NOP53: variants seen among roughly 807,000 people sequenced by gnomAD.
The protein encoded by NOP53 is ribosome biogenesis protein NOP53.
NOP53 carries 40 observed loss-of-function variants against 61.0 expected under a neutral mutation model. The ratio of observed to expected loss-of-function variants is 0.66; its 90% confidence interval spans 0.51 to 0.85. The LOEUF is 0.85. Among genes scored for constraint, NOP53 ranks in the 40% least tolerant of loss-of-function variants. NOP53 has a pLI of 0.00. For missense variants in NOP53, 689 were observed against 652.9 expected (o/e 1.06, Z -0.60); for synonymous variants, 308 against 289.5 (o/e 1.06, Z -0.65).
At chr19:47,747,883 C>T (rs1251053916) in intron 2 of NOP53, among the ~76,000 whole-genome samples, 7 of 140,970 alleles carry the variant, frequency 5.0e-5, no homozygotes, top group African/African-American at 1.1e-4. Flanking sequence ...CAGGTTCAAG[C>T]GATTCTCCTG....
At chr19:47,747,071 A>G (rs1967074045) in intron 2 of NOP53, 40 bp downstream of exon 2, 2 of 1,482,812 alleles carry the variant, frequency 1.3e-6, no homozygotes, top group African/African-American at 1.4e-5. Context: ...GCGGTTATTC[A>G]TTGTTAGTCA....
intron 2 of NOP53, among the ~76,000 whole-genome samples, chr19:47,748,324 C>T (rs1568597966): frequency 2.0e-5 from 3 of 152,012 alleles, no homozygotes; most frequent in African/African-American, 4.8e-5. Context: ...GGGTGGGGAT[C>T]TGCTGAAACA....
chr19:47,752,256 C>T (rs1053399419), intron 5 of NOP53, among the ~76,000 whole-genome samples: 1 of 152,202 alleles, frequency 6.6e-6, no homozygotes, highest in Admixed American at 6.5e-5. Context: ...TTGCAGCCTC[C>T]TTCTTGAGCT....
rs748360714 is a variant in NOP53 at position 47,754,868 on chromosome 19, C to A, written c.1030C>A (p.Arg344=). ...TEKKTEQQRR[R]EKAVHRLRVQ... is the part of the protein sequence containing the mutation. ...GAAGAAGACGGAGCAGCAGCGGCGGCGGGAGAAGGCTGTGCACAGGCTGGT... is the reference window on the plus strand; with the variant it reads ...GAAGAAGACGGAGCAGCAGCGGCGGAGGGAGAAGGCTGTGCACAGGCTGGT... Residue 344 remains arginine, a synonymous_variant, in exon 8 of 13, where the codon CGG becomes AGG. Coordinates refer to ENST00000246802, the MANE Select transcript of NOP53 (RefSeq NM_015710.5). This position sits in a 1 kb window ranked among gnomAD's most constrained non-coding sequence, Gnocchi z 4.2. 9.2e-6 allele frequency: 14 copies of A among 1,522,972 alleles called. No individual in the cohort carries two copies. The highest frequency in any genetic ancestry group is 7.5e-5 in the Admixed American group (3 of 40,000). 94.3% of individuals were successfully genotyped at this position (1,522,972 alleles called of 1,614,324 possible). A position where few individuals can be genotyped will look rare whatever the true frequency, so the allele number is the denominator to read the frequency against.
chr19:47,745,811 G>A (rs757298179), intron 1 of NOP53, 28 bp downstream of exon 1: 2 of 1,467,280 alleles, frequency 1.4e-6, no homozygotes, highest in South Asian at 2.7e-5. Flanking sequence ...TCCGGGAGGT[G>A]GGACGGTTCC....
In NOP53 at chr19:47,751,602, G is replaced by A. The variant is rs375224226; in HGVS notation, c.669+12G>A. On this transcript the variant is annotated intron_variant, in intron 5 of 12. Transcript: ENST00000246802. ...AGAAAGGAGTGAAGGTGAGATGTGT[G>A]GGAAGGGCATCCTGGGTGATGGGAG... 1.4e-5 allele frequency: 22 copies of A among 1,609,054 alleles called. No homozygotes were observed. The highest frequency in any genetic ancestry group is 1.6e-4 in the Middle Eastern group (1 of 6,066).
At chr19:47,751,620 G>A (rs1284977658) in intron 5 of NOP53, 30 bp downstream of exon 5, 3 of 1,564,094 alleles carry the variant, frequency 1.9e-6, no homozygotes, top group Non-Finnish European at 2.6e-6. Context: ...CATCCTGGGT[G>A]ATGGGAGGGT....
At chr19:47,746,101 T>C (rs1448218913) in intron 1 of NOP53, 6 of 397,146 alleles carry the variant, frequency 1.5e-5, no homozygotes, top group African/African-American at 8.2e-5. Context: ...TCTAAATATG[T>C]GTGTGTGTGT....
chr19:47,746,901 C>T (rs1967071375), intron 1 of NOP53, 66 bp from the exon 2 acceptor site: 2 of 1,328,946 alleles, frequency 1.5e-6, no homozygotes, highest in Non-Finnish European at 2.2e-6. Context: ...GAAGGCTGGA[C>T]CTGCCAGGTT....
Position 47,745,687 on chromosome 19 carries a change from A to T in NOP53, c.128A>T (p.Asn43Ile). Reference sequence around the variant, plus strand: ...AGGCGGCGGCGGCGAGGCCCAAGAAATAAGAAGCGGGGCTGGCGGCGGCTT... The same window carrying T: ...AGGCGGCGGCGGCGAGGCCCAAGAATTAAGAAGCGGGGCTGGCGGCGGCTT... The part of the protein sequence containing the change: ...ALRRRRRGPR[N>I]KKRGWRRLAQ... Residue 43 changes from asparagine to isoleucine, a missense_variant, in exon 1 of 13, where the codon AAT becomes ATT. Physicochemically the swap from Asn to Ile is moderately radical, Grantham distance 149. Coordinates refer to ENST00000246802, the MANE Select transcript of NOP53 (RefSeq NM_015710.5). The T allele has an allele frequency of 6.2e-7, 1 of 1,613,084 alleles. No individual in the cohort carries two copies. Among genetic ancestry groups the T allele is most frequent in the Non-Finnish European group, 8.5e-7 (1 of 1,179,548 alleles).
intron 8 of NOP53, 113 bp downstream of exon 8, chr19:47,755,004 A>T: frequency 9.9e-7 from 1 of 1,006,262 alleles, no homozygotes; most frequent in South Asian, 1.8e-5. Flanking sequence ...CAAGCCCCGC[A>T]TGTGGCCTGT....
In NOP53 at chr19:47,754,395, G is replaced by C; in HGVS notation, c.766-132G>C. The stretch of plus-strand genomic sequence containing the variant: ...TGCAGGGTGGGTGTGCTGGTAGACG[G>C]GGTGTGGGGAGGAAAGCCTGGGCCG... On this transcript the variant is annotated intron_variant, in intron 6 of 12. Coordinates refer to ENST00000246802, the MANE Select transcript of NOP53 (RefSeq NM_015710.5). This position sits in a 1 kb window ranked among gnomAD's most constrained non-coding sequence, Gnocchi z 4.2. 1 of 704,594 alleles carries C rather than the reference G, an allele frequency of 1.4e-6. No individual in the cohort carries two copies. The highest frequency in any genetic ancestry group is 2.5e-6 in the Non-Finnish European group (1 of 398,154). 43.6% of individuals were successfully genotyped at this position (704,594 alleles called of 1,614,324 possible).
Position 47,747,028 on chromosome 19 carries a change from A to G in NOP53, c.286A>G (p.Lys96Glu), listed in dbSNP as rs1967073301. The G allele has an allele frequency of 6.2e-7, 1 of 1,613,246 alleles. No homozygotes were observed. Among genetic ancestry groups the G allele is most frequent in the Non-Finnish European group, 8.5e-7 (1 of 1,179,346 alleles). ...LFFVDTGSKE[K>E]GLTKKRTKVQ... Reference sequence around the variant, plus strand: ...CTTCGTGGACACTGGCTCCAAGGAAAAAGGTGAGGAGAGGCTTTTGTGGTG... The same window carrying G: ...CTTCGTGGACACTGGCTCCAAGGAAGAAGGTGAGGAGAGGCTTTTGTGGTG... The change falls in exon 2 of 13, where the codon AAA becomes GAA. Residue 96 changes from lysine (K) to glutamate (E), a missense_variant. Physicochemically the swap from Lys to Glu is moderately conservative, Grantham distance 56. Transcript: ENST00000246802.
At chr19:47,756,240 G>A (rs537693883) in intron 10 of NOP53, 2 of 551,068 alleles carry the variant, frequency 3.6e-6, no homozygotes, top group South Asian at 2.3e-5. Context: ...TGAGCGGACT[G>A]TGCCTTCTCC....
intron 4 of NOP53, 118 bp from the exon 5 acceptor site, chr19:47,751,402 C>G: frequency 3.8e-6 from 3 of 780,248 alleles, no homozygotes; most frequent in Non-Finnish European, 6.6e-6. Flanking sequence ...TAGAATCAGT[C>G]CTTCCCTTGC....
intron 1 of NOP53, 114 bp from the exon 2 acceptor site, chr19:47,746,853 G>T: frequency 1.2e-6 from 1 of 832,502 alleles, no homozygotes; most frequent in Non-Finnish European, 2.0e-6. Context: ...GCCTTAGCCT[G>T]GAAGAGTCCG....
chr19:47,754,613 G>T lies in NOP53; in HGVS notation c.852G>T (p.Thr284=). Residue 284 remains threonine, a synonymous_variant, in exon 7 of 13, where the codon ACG becomes ACT. Coordinates refer to ENST00000246802, the MANE Select transcript of NOP53 (RefSeq NM_015710.5). This position sits in a 1 kb window ranked among gnomAD's most constrained non-coding sequence, Gnocchi z 4.2. ...AGCGGCAGCTGGCCCTGCCCGCCAC[G>T]GAGCAGGCCGCCACCCAGGTGAGCC... is the stretch of plus-strand genomic sequence containing the variant. The part of the protein sequence containing the change: ...KLERQLALPA[T]EQAATQESTF... The T allele has an allele frequency of 6.5e-7, 1 of 1,549,286 alleles. No homozygotes were observed. The highest frequency in any genetic ancestry group is 8.7e-7 in the Non-Finnish European group (1 of 1,147,446).
chr19:47,747,115 T>C, intron 2 of NOP53, 84 bp downstream of exon 2: 1 of 1,123,542 alleles, frequency 8.9e-7, no homozygotes, highest in South Asian at 1.3e-5. Context: ...GTGTTAATGA[T>C]GTGGCTTGGA....
At chr19:47,747,120 C>A in intron 2 of NOP53, 89 bp downstream of exon 2, 3 of 1,034,838 alleles carry the variant, frequency 2.9e-6, no homozygotes, top group Non-Finnish European at 2.9e-6. Context: ...AATGATGTGG[C>A]TTGGAAGGCA....
Sources: gnomAD v4.1 joint callset for allele counts (sites outside exome capture counted in the v4.1 genomes callset) on GRCh38, gnomAD v4.1.1 for gene constraint, Gnocchi (gnomAD v3.1) non-coding constraint, MANE v1.5 for transcripts, NCBI Gene and HGNC (gene_info 2026-07-23, HGNC 2026-07-21) for gene names.